TMEM132C: variants seen among roughly 807,000 people sequenced by gnomAD.
TMEM132C encodes transmembrane protein 132C, also known as protein phosphatase 1, regulatory subunit 152.
Under a neutral mutation model 61.4 loss-of-function variants are expected in TMEM132C, and 29 were observed. The ratio of observed to expected loss-of-function variants is 0.47; its 90% CI spans 0.35 to 0.64. TMEM132C has a LOEUF of 0.64. Among genes scored for constraint, TMEM132C ranks in the 30% least tolerant of loss-of-function variants. The pLI is 0.00. For synonymous variants in TMEM132C, 656 were observed against 633.1 expected, an observed-to-expected ratio of 1.04 and a Z score of -0.54; for missense variants, 1,408 against 1,476.9, an observed-to-expected ratio of 0.95 and a Z score of 0.76.
intron 1 of TMEM132C, among the ~76,000 whole-genome samples, chr12:128,401,697 A>G (rs1000178711): frequency 6.6e-6 from 1 of 152,176 alleles, no homozygotes; most frequent in African/African-American, 2.4e-5. Context: ...GATGTTTAAG[A>G]TCGGCTCTTT....
chr12:128,419,980 G>T (rs1235569108), intron 2 of TMEM132C, among the ~76,000 whole-genome samples: 1 of 152,004 alleles, frequency 6.6e-6, no homozygotes, highest in Non-Finnish European at 1.5e-5. Context: ...ATCGCCTGAG[G>T]TCAGGAGTTC....
At chr12:128,642,943 T>A (rs1954168497) in intron 4 of TMEM132C, among the ~76,000 whole-genome samples, 1 of 150,990 alleles carries the variant, frequency 6.6e-6, no homozygotes, top group Non-Finnish European at 1.5e-5. Context: ...CTGAGGAGAG[T>A]TTTCGCAAGT....
At chr12:128,426,662 G>A (rs2136033046) in intron 2 of TMEM132C, among the ~76,000 whole-genome samples, 1 of 152,254 alleles carries the variant, frequency 6.6e-6, no homozygotes, top group Admixed American at 6.5e-5. Context: ...TGCTTGGGAA[G>A]AAGTAAAGAA....
chr12:128,619,485 C>T (rs1953937362), intron 4 of TMEM132C, among the ~76,000 whole-genome samples: 1 of 152,236 alleles, frequency 6.6e-6, no homozygotes, highest in Non-Finnish European at 1.5e-5. Flanking sequence ...ATCTCACTTG[C>T]TGGTCCCTGG....
chr12:128,307,442 G>C (rs1355152286), intron 1 of TMEM132C, among the ~76,000 whole-genome samples: 4 of 149,502 alleles, frequency 2.7e-5, no homozygotes, highest in African/African-American at 9.8e-5. Flanking sequence ...AAAAAAAATA[G>C]GAAAAAACAG....
At chr12:128,429,514 AGCCTTTCCTGACAAT>A (rs1593050341) in intron 2 of TMEM132C, among the ~76,000 whole-genome samples, 3 of 152,182 alleles carry the variant, frequency 2.0e-5, no homozygotes, top group Admixed American at 2.0e-4. Flanking sequence ...GGAACCTGGC[AGCCTTTCCTGACAAT>A]GCAAGGAGCT....
Position 128,707,127 on chromosome 12 carries a change from G to A in TMEM132C, c.*832G>A, listed in dbSNP as rs1053043359. On this transcript the variant is annotated 3_prime_UTR_variant, in exon 9 of 9. Transcript: ENST00000435159. ...AGGGAGCCCTCAGAGCCTTCTGGGG[G>A]AGGAGAGGAACTGTCCTTAATCCAT... 1 of 152,128 alleles carries A rather than the reference G, an allele frequency of 6.6e-6. No homozygotes were observed. Among genetic ancestry groups the A allele is most frequent in the Non-Finnish European group, 1.5e-5 (1 of 68,002 alleles). 9.4% of individuals were successfully genotyped at this position (152,128 alleles called of 1,614,324 possible).
chr12:128,542,743 C>T (rs1396628968), intron 2 of TMEM132C, among the ~76,000 whole-genome samples: 3 of 151,838 alleles, frequency 2.0e-5, no homozygotes, highest in East Asian at 3.9e-4. Flanking sequence ...TGCCTGTAGT[C>T]CCAGCTACTC....
At chr12:128,612,069 A>G (rs1876653725) in intron 3 of TMEM132C, among the ~76,000 whole-genome samples, 2 of 152,188 alleles carry the variant, frequency 1.3e-5, no homozygotes, top group Admixed American at 1.3e-4. Context: ...AAAAATAAAG[A>G]GACAAGGGCA....
At chr12:128,313,855 A>T (rs1872058007) in intron 1 of TMEM132C, among the ~76,000 whole-genome samples, 1 of 152,250 alleles carries the variant, frequency 6.6e-6, no homozygotes, top group African/African-American at 2.4e-5. Flanking sequence ...AACTAGGAGG[A>T]CAAAAGAAAT....
At chr12:128,518,958 T>C (rs1380236275) in intron 2 of TMEM132C, among the ~76,000 whole-genome samples, 2 of 152,224 alleles carry the variant, frequency 1.3e-5, no homozygotes, top group African/African-American at 4.8e-5. Context: ...AAATGTGTAT[T>C]AAATGTGTCA....
At chr12:128,407,602 C>T (rs555055282) in intron 1 of TMEM132C, among the ~76,000 whole-genome samples, 2 of 152,226 alleles carry the variant, frequency 1.3e-5, no homozygotes, top group South Asian at 2.1e-4. Context: ...GGGATCGCAC[C>T]GCTCGCCTCC....
chr12:128,398,122 A>C (rs997948239), intron 1 of TMEM132C, among the ~76,000 whole-genome samples: 1 of 152,378 alleles, frequency 6.6e-6, no homozygotes, highest in East Asian at 1.9e-4. Context: ...AGCATCAGTC[A>C]GTTAAGAATG....
intron 2 of TMEM132C, among the ~76,000 whole-genome samples, chr12:128,521,155 T>C (rs183427396): frequency 3.2e-4 from 48 of 152,290 alleles, no homozygotes; most frequent in Non-Finnish European, 5.6e-4. Context: ...ATCCCCCCTG[T>C]TGAGAACCAC....
chr12:128,409,923 A>G (rs1868475640), intron 1 of TMEM132C, among the ~76,000 whole-genome samples: 1 of 152,228 alleles, frequency 6.6e-6, no homozygotes, highest in African/African-American at 2.4e-5. Context: ...GTCTTTGGTG[A>G]TCAATGACTA....
chr12:128,323,007 C>T (rs1179889871), intron 1 of TMEM132C, among the ~76,000 whole-genome samples: 1 of 152,134 alleles, frequency 6.6e-6, no homozygotes, highest in Non-Finnish European at 1.5e-5. Flanking sequence ...GCAGATACAG[C>T]CATAAACAAG....
intron 1 of TMEM132C, among the ~76,000 whole-genome samples, chr12:128,386,635 T>C (rs1267230170): frequency 6.6e-6 from 1 of 152,230 alleles, no homozygotes; most frequent in African/African-American, 2.4e-5. Context: ...GGGATTGTTC[T>C]ACACGTGTGA....
chr12:128,351,712 G>C (rs1263264971), intron 1 of TMEM132C, among the ~76,000 whole-genome samples: 1 of 152,086 alleles, frequency 6.6e-6, no homozygotes, highest in Non-Finnish European at 1.5e-5. Flanking sequence ...GGAACTAAGG[G>C]GGAGGGCTGA....
intron 1 of TMEM132C, among the ~76,000 whole-genome samples, chr12:128,385,325 T>C (rs2678811): frequency 0.22 from 2,292 of 10,568 alleles, 269 homozygotes; most frequent in African/African-American, 0.29. Context: ...AGGATCATTG[T>C]AAAGATTTAA....
Sources: allele counts gnomAD v4.1 joint callset (sites outside exome capture counted in the v4.1 genomes callset), GRCh38; gene constraint gnomAD v4.1.1; transcripts MANE v1.5; gene names NCBI Gene and HGNC (gene_info 2026-07-23, HGNC 2026-07-21).